Variants in SLC6A20 observed in about 807,000 individuals in gnomAD.
The protein encoded by SLC6A20 is sodium- and chloride-dependent transporter XTRP3.
Under a neutral mutation model 64.3 loss-of-function variants are expected in SLC6A20, and 73 were observed. The ratio of observed to expected loss-of-function variants is 1.14; its 90% CI spans 0.94 to 1.38. The LOEUF is 1.38. SLC6A20 is among the 40% of genes most tolerant of loss of function. The pLI is 0.00. For missense variants in SLC6A20, 725 were observed against 772.8 expected (o/e 0.94, Z 0.73); for synonymous variants, 347 against 329.6 (o/e 1.05, Z -0.57).
intron 9 of SLC6A20, 84 bp from the exon 10 acceptor site, chr3:45,760,106 A>T: frequency 6.9e-7 from 1 of 1,449,248 alleles, no homozygotes; most frequent in Non-Finnish European, 9.4e-7. Context: ...CTATTCACAA[A>T]GGAACATTCT....
At chr3:45,787,765 A>C (rs1406889825) in intron 1 of SLC6A20, among the ~76,000 whole-genome samples, 1 of 152,168 alleles carries the variant, frequency 6.6e-6, no homozygotes, top group Non-Finnish European at 1.5e-5. Context: ...TTGAGGGTAG[A>C]GATGGGATCT....
chr3:45,791,054 C>G (rs1430071245), intron 1 of SLC6A20, among the ~76,000 whole-genome samples: 1 of 152,160 alleles, frequency 6.6e-6, no homozygotes, highest in Non-Finnish European at 1.5e-5. Context: ...CTTTCTAGAT[C>G]CTCTTGAGCA....
At chr3:45,785,613 T>TCTCTCTCTCTC (rs1700157049) in intron 1 of SLC6A20, among the ~76,000 whole-genome samples, 10 of 141,102 alleles carry the variant, frequency 7.1e-5, no homozygotes, top group South Asian at 2.5e-4. Flanking sequence ...AAACTCCCCT[T>TCTCTCTCTCTC]TCTCTCTCTC....
chr3:45,792,358 T>C (rs2125658959), intron 1 of SLC6A20, among the ~76,000 whole-genome samples: 1 of 152,316 alleles, frequency 6.6e-6, no homozygotes, highest in South Asian at 2.1e-4. Context: ...GAAGTCTTGT[T>C]CTCTCTGACT....
At position 45,796,372 on chromosome 3, in the gene SLC6A20, G is replaced by A; in HGVS notation, c.48C>T (p.Phe16=). 1.9e-6 allele frequency: 3 copies of A among 1,612,988 alleles called. No individual in the cohort carries two copies. The highest frequency in any genetic ancestry group is 2.5e-6 in the Non-Finnish European group (3 of 1,179,726). ...GGCCCACGGCGTACGAGATGCAGGCGAACACGAACTGTAGCGAGTTGGCCC... is the reference window on the plus strand; with the variant it reads ...GGCCCACGGCGTACGAGATGCAGGCAAACACGAACTGTAGCGAGTTGGCCC... ...PLWANSLQFV[F]ACISYAVGLG... The change falls in exon 1 of 11, where the codon TTC becomes TTT. Residue 16 remains phenylalanine, a synonymous_variant. Coordinates refer to ENST00000358525, the MANE Select transcript of SLC6A20 (RefSeq NM_020208.4).
intron 8 of SLC6A20, among the ~76,000 whole-genome samples, chr3:45,763,758 G>A (rs1699725378): frequency 6.6e-6 from 1 of 152,160 alleles, no homozygotes; most frequent in Admixed American, 6.5e-5. Context: ...CAGAACCTGG[G>A]CCTTCATCCC....
intron 9 of SLC6A20, among the ~76,000 whole-genome samples, chr3:45,761,577 CCA>C (rs1699683253): frequency 6.6e-6 from 1 of 152,106 alleles, no homozygotes; most frequent in Non-Finnish European, 1.5e-5. Context: ...TCCTAGGTGA[CCA>C]GGGATTTTCC....
At chr3:45,759,198 G>T in intron 10 of SLC6A20, 71 bp from the exon 11 acceptor site, 5 of 1,473,136 alleles carry the variant, frequency 3.4e-6, no homozygotes, top group Non-Finnish European at 4.6e-6. Context: ...GGGCCCATCC[G>T]TGATGGGGAG....
intron 9 of SLC6A20, among the ~76,000 whole-genome samples, chr3:45,762,583 T>C (rs1699702713): frequency 6.6e-6 from 1 of 152,248 alleles, no homozygotes; most frequent in Admixed American, 6.5e-5. Flanking sequence ...AATACTGATG[T>C]TGGCCGATGA....
At chr3:45,796,278 C>T in intron 1 of SLC6A20, 21 bp downstream of exon 1, 1 of 1,585,456 alleles carries the variant, frequency 6.3e-7, no homozygotes, top group South Asian at 1.1e-5. Flanking sequence ...GGGCTGGGGC[C>T]GGGGCGCGGT....
intron 4 of SLC6A20, among the ~76,000 whole-genome samples, chr3:45,775,378 A>G (rs756999951): frequency 6.6e-6 from 1 of 152,054 alleles, no homozygotes; most frequent in Non-Finnish European, 1.5e-5. Flanking sequence ...GAAAATACCA[A>G]TGTGCAGCTG....
At chr3:45,773,099 G>C (rs1275425314) in intron 4 of SLC6A20, among the ~76,000 whole-genome samples, 1 of 152,064 alleles carries the variant, frequency 6.6e-6, no homozygotes, top group Admixed American at 6.5e-5. Flanking sequence ...TGAGCTTCCT[G>C]GTGGCCTACA....
chr3:45,777,922 G>A (rs1044258215), intron 3 of SLC6A20, among the ~76,000 whole-genome samples: 1 of 152,150 alleles, frequency 6.6e-6, no homozygotes, highest in Non-Finnish European at 1.5e-5. Flanking sequence ...CATCTGTTTG[G>A]GATAGGGCCT....
In SLC6A20 at chr3:45,758,321, G is replaced by T; in HGVS notation, c.*657C>A. The T allele has an allele frequency of 1.4e-6, 1 of 695,870 alleles. No homozygotes were observed. Among genetic ancestry groups the T allele is most frequent in the Non-Finnish European group, 2.1e-6 (1 of 465,140 alleles). The allele number at this position is 695,870 out of a possible 1,614,324, so 43.1% of individuals were successfully genotyped here. A position where few individuals can be genotyped will look rare whatever the true frequency, so the allele number is the denominator to read the frequency against. On this transcript the variant is annotated 3_prime_UTR_variant, in exon 11 of 11. Transcript: ENST00000358525. ...TCTGCACAGACTTCTAATGTGGTTT[G>T]GGGTTGCAAACTGTAGTTGGGGCAA...
intron 7 of SLC6A20, among the ~76,000 whole-genome samples, chr3:45,767,913 T>A (rs1340782762): frequency 6.6e-6 from 1 of 152,210 alleles, no homozygotes; most frequent in Non-Finnish European, 1.5e-5. Flanking sequence ...AATTTTCTAC[T>A]CCGAGGAACA....
intron 1 of SLC6A20, among the ~76,000 whole-genome samples, chr3:45,787,093 C>G (rs1253389403): frequency 6.6e-6 from 1 of 152,294 alleles, no homozygotes; most frequent in African/African-American, 2.4e-5. Context: ...CCATCCCTAG[C>G]TTCTCACCTG....
chr3:45,763,630 T>C (rs1256012964), intron 8 of SLC6A20, among the ~76,000 whole-genome samples: 1 of 152,098 alleles, frequency 6.6e-6, no homozygotes, highest in East Asian at 1.9e-4. Context: ...CTGAGGCAGG[T>C]GTCCGGAGCC....
chr3:45,756,643 C>T lies in SLC6A20; in HGVS notation c.*2335G>A, dbSNP rs1699548519. 6.6e-6 allele frequency: 1 copy of T among 152,148 alleles called. No individual in the cohort carries two copies. Among genetic ancestry groups the T allele is most frequent in the African/African-American group, 2.4e-5 (1 of 41,418 alleles). The allele number at this position is 152,148 out of a possible 1,614,324, so 9.4% of individuals were successfully genotyped here. A position where few individuals can be genotyped will look rare whatever the true frequency, so the allele number is the denominator to read the frequency against. Reference sequence around the variant, plus strand: ...CAACGTCCCAGGTGAGTGTTTGTGTCTTCAAAGATATCTGTGCAAATATAT... The same window carrying T: ...CAACGTCCCAGGTGAGTGTTTGTGTTTTCAAAGATATCTGTGCAAATATAT... On this transcript the variant is annotated 3_prime_UTR_variant, in exon 11 of 11. Transcript: ENST00000358525.
Position 45,770,368 on chromosome 3 carries a change from C to T in SLC6A20, c.939G>A (p.Val313=), listed in dbSNP as rs773995379. 9.9e-6 allele frequency: 16 copies of T among 1,613,758 alleles called. No individual in the cohort carries two copies. The highest frequency in any genetic ancestry group is 5.1e-6 in the Non-Finnish European group (6 of 1,180,042). Residue 313 remains valine, a synonymous_variant, in exon 7 of 11, where the codon GTG becomes GTA. Coordinates refer to ENST00000358525, the MANE Select transcript of SLC6A20 (RefSeq NM_020208.4). ...TFNYENCLKK[V]SLLLTNTFDL... is the part of the protein sequence containing the mutation. Reference sequence around the variant, plus strand: ...CAAAAGTGTTGGTCAGCAGCAGACTCACCCTGCAGAGCAGACCATCGGATC... The same window carrying T: ...CAAAAGTGTTGGTCAGCAGCAGACTTACCCTGCAGAGCAGACCATCGGATC...
Sources: gnomAD v4.1 joint callset for allele counts (sites outside exome capture counted in the v4.1 genomes callset) on GRCh38, gnomAD v4.1.1 for gene constraint, MANE v1.5 for transcripts, NCBI Gene and HGNC (gene_info 2026-07-23, HGNC 2026-07-21) for gene names.